Variants in TSPAN3 observed in about 807,000 individuals in gnomAD.
TSPAN3 encodes tetraspanin 3.
Under a neutral mutation model 31.1 loss-of-function variants are expected in TSPAN3, and 9 were observed. That is an observed-to-expected ratio of 0.29 (90% CI 0.17 to 0.50). The LOEUF (loss-of-function observed/expected upper bound fraction) is 0.50, where lower values mean the gene tolerates loss of function less well. Among genes scored for constraint, TSPAN3 ranks in the 20% least tolerant of loss-of-function variants. TSPAN3 has a pLI of 0.98. For missense variants in TSPAN3, 252 were observed against 313.5 expected, an observed-to-expected ratio of 0.80 and a Z score of 1.48; for synonymous variants, 129 against 114.3, an observed-to-expected ratio of 1.13 and a Z score of -0.82.
At chr15:77,049,973 G>A (rs943356228) in intron 6 of TSPAN3, among the ~76,000 whole-genome samples, 1 of 152,154 alleles carries the variant, frequency 6.6e-6, no homozygotes, top group Non-Finnish European at 1.5e-5. Flanking sequence ...GGTCTCTAGA[G>A]TTGACACTCT....
intron 1 of TSPAN3, chr15:77,067,853 T>A (rs1167545433): frequency 6.6e-6 from 1 of 152,362 alleles, no homozygotes; most frequent in Middle Eastern, 3.4e-3. Flanking sequence ...AACAACTTTC[T>A]TCTCTTTACA....
At position 77,054,247 on chromosome 15, in the gene TSPAN3, T is replaced by C. The variant is rs2076753529; in HGVS notation, c.363A>G (p.Lys121=). The C allele has an allele frequency of 1.2e-6, 2 of 1,613,510 alleles. No homozygotes were observed. Among genetic ancestry groups the C allele is most frequent in the Non-Finnish European group, 1.7e-6 (2 of 1,179,598 alleles). Residue 121 remains lysine (K), a synonymous_variant, in exon 4 of 7, where the codon AAA becomes AAG. Coordinates refer to ENST00000267970, the MANE Select transcript of TSPAN3 (RefSeq NM_005724.6). ...TGGTTCCATTGTAGGTCTTATACACTTTCTGAATGCTGCGATCAACCTCAT... is the reference window on the plus strand; with the variant it reads ...TGGTTCCATTGTAGGTCTTATACACCTTCTGAATGCTGCGATCAACCTCAT... ...VENEVDRSIQ[K]VYKTYNGTNP... is the part of the protein sequence containing the mutation.
rs1218046099 is a variant in TSPAN3 at position 77,060,096 on chromosome 15, T to C, written c.64-3841A>G. Among the ~76,000 whole-genome samples the C allele has an allele frequency of 1.3e-5, 2 of 152,260 alleles. 1 individual carries two copies. Among genetic ancestry groups the C allele is most frequent in the East Asian group, 3.9e-4 (2 of 5,192 alleles). ...CTTTTCTGATAGACTCTACAACAGT[T>C]TTTTTTCCCAGGCTGCAGTCAACAT... On this transcript the variant is annotated intron_variant, in intron 1 of 6. Transcript: ENST00000267970.
chr15:77,059,198 T>A (rs2076786045), intron 1 of TSPAN3, among the ~76,000 whole-genome samples: 1 of 152,136 alleles, frequency 6.6e-6, no homozygotes, highest in Admixed American at 6.5e-5. Flanking sequence ...TTCTCCTGCC[T>A]CAGCCTCCCG....
chr15:77,056,150 T>A lies in TSPAN3; in HGVS notation c.169A>T (p.Ile57Phe). 2 of 1,613,864 alleles carry A rather than the reference T, an allele frequency of 1.2e-6. No homozygotes were observed. The highest frequency in any genetic ancestry group is 1.7e-6 in the Non-Finnish European group (2 of 1,179,934). Reference sequence around the variant, plus strand: ...AAAAGCAGGGCTCCTACAGCTATGATCACTACAGCAGGGATGAGCGTGTAC... The same window carrying A: ...AAAAGCAGGGCTCCTACAGCTATGAACACTACAGCAGGGATGAGCGTGTAC... ...DVYTLIPAVVIIAVGALLFII... is the reference protein window; with the variant it reads ...DVYTLIPAVVFIAVGALLFII... The change falls in exon 2 of 7, where the codon ATC becomes TTC. Residue 57 changes from isoleucine to phenylalanine, a missense_variant. Coordinates refer to ENST00000267970, the MANE Select transcript of TSPAN3 (RefSeq NM_005724.6).
chr15:77,046,612 C>T lies in TSPAN3; in HGVS notation c.*223G>A, dbSNP rs1596155202. 1.3e-5 allele frequency: 7 copies of T among 547,294 alleles called. No homozygotes were observed. The highest frequency in any genetic ancestry group is 8.7e-5 in the East Asian group (3 of 34,632). 33.9% of individuals were successfully genotyped at this position (547,294 alleles called of 1,614,324 possible). On this transcript the variant is annotated 3_prime_UTR_variant, in exon 7 of 7. Coordinates refer to ENST00000267970, the MANE Select transcript of TSPAN3 (RefSeq NM_005724.6). The stretch of plus-strand genomic sequence containing the variant: ...GTTCTGAAATTAGAACGTTCACCAT[C>T]GTACTTAAAATCTTAGGGGCATGAA...
Position 77,042,027 on chromosome 15 carries a change from C to A in TSPAN3, c.*4808G>T, listed in dbSNP as rs1168709460. The stretch of plus-strand genomic sequence containing the variant: ...GTTAATCATGGTACTAATGTACCCA[C>A]ACAGCTAACACAATGGAATGACAAA... On this transcript the variant is annotated 3_prime_UTR_variant, in exon 7 of 7. Coordinates refer to ENST00000267970, the MANE Select transcript of TSPAN3 (RefSeq NM_005724.6). 2 of 152,192 alleles carry A rather than the reference C, an allele frequency of 1.3e-5. No individual in the cohort carries two copies. The highest frequency in any genetic ancestry group is 2.9e-5 in the Non-Finnish European group (2 of 68,048). The allele number at this position is 152,192 out of a possible 1,614,324, so 9.4% of individuals were successfully genotyped here.
intron 1 of TSPAN3, among the ~76,000 whole-genome samples, chr15:77,057,267 G>A (rs1261065709): frequency 6.6e-6 from 1 of 152,188 alleles, no homozygotes; most frequent in African/African-American, 2.4e-5. Flanking sequence ...ATAACAATGA[G>A]TTATCATTTG....
Position 77,070,936 on chromosome 15 carries a change from T to C in TSPAN3, c.19A>G (p.Thr7Ala). 6.9e-7 allele frequency: 1 copy of C among 1,443,238 alleles called. No homozygotes were observed. Among genetic ancestry groups the C allele is most frequent in the Non-Finnish European group, 9.2e-7 (1 of 1,090,558 alleles). 89.4% of individuals were successfully genotyped at this position (1,443,238 alleles called of 1,614,324 possible). MGQCGI[T>A]SSKTVLVFLN... ...AAGACCAGCACGGTCTTGGAGGAGG[T>C]GATGCCGCACTGGCCCATGGCGCCG... The change falls in exon 1 of 7, where the codon ACC becomes GCC. Residue 7 changes from threonine (T) to alanine (A), a missense_variant. Coordinates refer to ENST00000267970, the MANE Select transcript of TSPAN3 (RefSeq NM_005724.6).
chr15:77,059,192 C>T (rs940417941), intron 1 of TSPAN3, among the ~76,000 whole-genome samples: 3 of 152,198 alleles, frequency 2.0e-5, no homozygotes, highest in Non-Finnish European at 4.4e-5. Flanking sequence ...ACGCCATTCT[C>T]CTGCCTCAGC....
rs372211072 is a variant in TSPAN3, at chr15:77,052,366, C to A, written c.669+19G>T. The A allele has an allele frequency of 6.2e-6, 10 of 1,612,610 alleles. No homozygotes were observed. Among genetic ancestry groups the A allele is most frequent in the Non-Finnish European group, 8.5e-6 (10 of 1,178,716 alleles). Reference sequence around the variant, plus strand: ...GAACCAACTCACTCCGATAGAACTCCTTGGCAAGCTGTGCTTACCTGAATA... The same window carrying A: ...GAACCAACTCACTCCGATAGAACTCATTGGCAAGCTGTGCTTACCTGAATA... On this transcript the variant is annotated intron_variant, in intron 6 of 6. Coordinates refer to ENST00000267970, the MANE Select transcript of TSPAN3 (RefSeq NM_005724.6).
intron 1 of TSPAN3, among the ~76,000 whole-genome samples, chr15:77,057,138 T>C (rs2076773586): frequency 6.6e-6 from 1 of 152,232 alleles, no homozygotes; most frequent in African/African-American, 2.4e-5. Context: ...TCTCCGCTAT[T>C]GTCAATTTTG....
intron 3 of TSPAN3, 162 bp downstream of exon 3, chr15:77,055,627 G>A: frequency 1.7e-6 from 1 of 598,594 alleles, no homozygotes. Flanking sequence ...AAGGAGTCTT[G>A]ACATGTAAAT....
At chr15:77,064,506 T>G (rs1483960473) in intron 1 of TSPAN3, 1 of 152,136 alleles carries the variant, frequency 6.6e-6, no homozygotes, top group Non-Finnish European at 1.5e-5. Context: ...CAAAGCATGA[T>G]AAATATCCTA....
chr15:77,065,153 AT>A (rs960047067), intron 1 of TSPAN3, among the ~76,000 whole-genome samples: 8 of 151,938 alleles, frequency 5.3e-5, no homozygotes, highest in Non-Finnish European at 1.2e-4. Flanking sequence ...TATACTCCAG[AT>A]TTTTTTTGCC....
At chr15:77,063,057 T>C (rs1486888719) in intron 1 of TSPAN3, among the ~76,000 whole-genome samples, 1 of 152,198 alleles carries the variant, frequency 6.6e-6, no homozygotes, top group Admixed American at 6.5e-5. Context: ...ATGTCTGAAA[T>C]TGAGGCTTTA....
At position 77,044,763 on chromosome 15, in the gene TSPAN3, C is replaced by G. The variant is rs1188632734; in HGVS notation, c.*2072G>C. 1 of 152,248 alleles carries G rather than the reference C, an allele frequency of 6.6e-6. No individual in the cohort carries two copies. Among genetic ancestry groups the G allele is most frequent in the Non-Finnish European group, 1.5e-5 (1 of 68,080 alleles). 9.4% of individuals were successfully genotyped at this position (152,248 alleles called of 1,614,324 possible). On this transcript the variant is annotated 3_prime_UTR_variant, in exon 7 of 7. Coordinates refer to ENST00000267970, the MANE Select transcript of TSPAN3 (RefSeq NM_005724.6). Reference sequence around the variant, plus strand: ...TCTGTCCTGTAGAAAGAGTGGAGAACAACCAACATCACAGTCCAAATATTG... The same window carrying G: ...TCTGTCCTGTAGAAAGAGTGGAGAAGAACCAACATCACAGTCCAAATATTG...
intron 1 of TSPAN3, among the ~76,000 whole-genome samples, chr15:77,066,060 T>C (rs989933430): frequency 6.6e-6 from 1 of 152,108 alleles, no homozygotes; most frequent in Non-Finnish European, 1.5e-5. Context: ...GTTTTTCTAA[T>C]AGGGTTTAAA....
intron 1 of TSPAN3, among the ~76,000 whole-genome samples, chr15:77,068,930 G>A (rs2076849849): frequency 6.6e-6 from 1 of 152,132 alleles, no homozygotes; most frequent in Non-Finnish European, 1.5e-5. Flanking sequence ...TATTGTGAAC[G>A]GTGCTGCAGT....
Sources: allele counts gnomAD v4.1 joint callset (sites outside exome capture counted in the v4.1 genomes callset), GRCh38; gene constraint gnomAD v4.1.1; transcripts MANE v1.5; gene names NCBI Gene and HGNC (gene_info 2026-07-23, HGNC 2026-07-21).